PID1: variants seen among roughly 807,000 people sequenced by gnomAD.
PID1 encodes the protein PTB-containing, cubilin and LRP1-interacting protein.
A neutral mutation model predicts 19.1 loss-of-function variants in PID1; 10 were observed. The observed-to-expected ratio is 0.52, with a 90% CI of 0.32 to 0.89. The LOEUF (loss-of-function observed/expected upper bound fraction) is 0.89, where lower values mean the gene tolerates loss of function less well. PID1 is among the 40% of genes least tolerant of loss of function. PID1 has a pLI of 0.03. For synonymous variants in PID1, 130 were observed against 116.0 expected, an observed-to-expected ratio of 1.12 and a Z score of -0.78; for missense variants, 248 against 285.3, an observed-to-expected ratio of 0.87 and a Z score of 0.94.
At chr2:229,060,428 T>C (rs959966328) in intron 2 of PID1, among the ~76,000 whole-genome samples, 6 of 152,184 alleles carry the variant, frequency 3.9e-5, no homozygotes, top group Non-Finnish European at 8.8e-5. Context: ...GATTCACCCA[T>C]GTTGCTGCAA....
chr2:229,138,970 GA>G (rs1203207510), intron 2 of PID1, among the ~76,000 whole-genome samples: 1 of 118,058 alleles, frequency 8.5e-6, no homozygotes, highest in Non-Finnish European at 1.8e-5. Flanking sequence ...GAAATAAATA[GA>G]AAAAAATAGA....
At chr2:229,139,039 G>GAAAGAGAAAGAAAGAAAGAAAGAAAGAA (rs879704273) in intron 2 of PID1, among the ~76,000 whole-genome samples, 1 of 48,362 alleles carries the variant, frequency 2.1e-5, no homozygotes, top group African/African-American at 7.4e-5. Flanking sequence ...AAGAAAGAAA[G>GAAAGAGAAAGAAAGAAAGAAAGAAAGAA]AGAAAGAAAG....
At chr2:229,034,882 T>C (rs552548410) in intron 2 of PID1, among the ~76,000 whole-genome samples, 79 of 152,220 alleles carry the variant, frequency 5.2e-4, no homozygotes, top group African/African-American at 1.9e-3. Context: ...AGTGATCACA[T>C]TGGAACCCAG....
At chr2:229,256,631 C>T (rs981155733) in intron 1 of PID1, among the ~76,000 whole-genome samples, 12 of 152,058 alleles carry the variant, frequency 7.9e-5, no homozygotes, top group African/African-American at 2.7e-4. Flanking sequence ...TGTGGCAAGA[C>T]TTATGAGCAA....
At chr2:229,203,170 G>A (rs1027848855) in intron 1 of PID1, among the ~76,000 whole-genome samples, 1 of 152,096 alleles carries the variant, frequency 6.6e-6, no homozygotes, top group African/African-American at 2.4e-5. Flanking sequence ...TTGAGAGCCA[G>A]TGTCCTTGAA....
At position 229,128,894 on chromosome 2, in the gene PID1, T is replaced by C. The variant is rs141150225; in HGVS notation, c.177+26924A>G. 3.2e-4 allele frequency among the ~76,000 whole-genome samples: 48 copies of C among 152,264 alleles called. No homozygotes were observed. In the East Asian group the frequency reaches 6.0e-3, roughly 19 times the overall value. On this transcript the variant is annotated intron_variant, in intron 2 of 2. Coordinates refer to ENST00000392055, the MANE Select transcript of PID1 (RefSeq NM_001100818.2). ...GTACATTTTAAAATACAGAGTGCAA[T>C]TGGATTGTTTGCAACTCAAAGGATA... is the stretch of plus-strand genomic sequence containing the variant.
At chr2:229,161,044 A>T (rs1690483218) in intron 1 of PID1, among the ~76,000 whole-genome samples, 1 of 152,158 alleles carries the variant, frequency 6.6e-6, no homozygotes, top group African/African-American at 2.4e-5. Context: ...AACACTGAAT[A>T]ATGTCATTGC....
intron 1 of PID1, among the ~76,000 whole-genome samples, chr2:229,169,937 C>G (rs1225231569): frequency 6.6e-6 from 1 of 152,144 alleles, no homozygotes; most frequent in African/African-American, 2.4e-5. Flanking sequence ...TCCAGAGCCA[C>G]ACGCTTCAAA....
chr2:229,165,335 C>G (rs1690576053), intron 1 of PID1, among the ~76,000 whole-genome samples: 1 of 152,158 alleles, frequency 6.6e-6, no homozygotes, highest in Non-Finnish European at 1.5e-5. Context: ...CATGGTGGCT[C>G]ATGCCTGTAA....
intron 1 of PID1, among the ~76,000 whole-genome samples, chr2:229,169,533 C>A (rs1344566211): frequency 6.6e-6 from 1 of 152,134 alleles, no homozygotes; most frequent in Non-Finnish European, 1.5e-5. Context: ...AAAATTAATA[C>A]ATTGAGGAAT....
intron 2 of PID1, among the ~76,000 whole-genome samples, chr2:229,028,259 T>G (rs1167996586): frequency 6.6e-6 from 1 of 152,232 alleles, no homozygotes; most frequent in African/African-American, 2.4e-5. Context: ...TGAAATTTAT[T>G]TATGATTATG....
chr2:229,238,266 G>C (rs2106273903), intron 1 of PID1, among the ~76,000 whole-genome samples: 1 of 152,232 alleles, frequency 6.6e-6, no homozygotes, highest in Admixed American at 6.5e-5. Context: ...ATAACTCAGT[G>C]GGATAAAGAC....
chr2:229,082,107 A>G (rs1447822069), intron 2 of PID1, among the ~76,000 whole-genome samples: 1 of 152,196 alleles, frequency 6.6e-6, no homozygotes, highest in African/African-American at 2.4e-5. Context: ...CAGAGTCAAG[A>G]TCAGGTGTTC....
chr2:229,180,075 G>A (rs184141648), intron 1 of PID1, among the ~76,000 whole-genome samples: 12 of 150,926 alleles, frequency 8.0e-5, no homozygotes, highest in East Asian at 1.9e-4. Context: ...CATGCACTTC[G>A]TATACAGGTC....
chr2:229,169,665 G>A (rs1479627333), intron 1 of PID1, among the ~76,000 whole-genome samples: 4 of 152,200 alleles, frequency 2.6e-5, no homozygotes, highest in East Asian at 3.9e-4. Flanking sequence ...AGATAATTAC[G>A]TTTTCATGAA....
intron 2 of PID1, among the ~76,000 whole-genome samples, chr2:229,072,819 A>G (rs1694484168): frequency 6.6e-6 from 1 of 152,212 alleles, no homozygotes; most frequent in Non-Finnish European, 1.5e-5. Context: ...ATCAGTGGGA[A>G]AGATCATAAC....
At chr2:229,045,547 C>A (rs1221663650) in intron 2 of PID1, among the ~76,000 whole-genome samples, 4 of 152,178 alleles carry the variant, frequency 2.6e-5, no homozygotes, top group Non-Finnish European at 5.9e-5. Context: ...TTTCAGGGCT[C>A]TGCTATCACA....
rs552113849 is a variant in PID1 at position 229,262,798 on chromosome 2, C to T, written c.30+8216G>A. 1.5e-5 allele frequency: 24 copies of T among 1,551,342 alleles called. No homozygotes were observed. In the Admixed American group the frequency reaches 2.2e-4, roughly 14 times the overall value. ...TAACATCAGGTGGTTGCCAGCAATCCTTGGCATTCCTTGGCTTATGATGCC... is the reference window on the plus strand; with the variant it reads ...TAACATCAGGTGGTTGCCAGCAATCTTTGGCATTCCTTGGCTTATGATGCC... On this transcript the variant is annotated intron_variant, in intron 1 of 2. Coordinates refer to ENST00000392055, the MANE Select transcript of PID1 (RefSeq NM_001100818.2).
intron 1 of PID1, among the ~76,000 whole-genome samples, chr2:229,224,668 C>T (rs957609345): frequency 6.6e-6 from 1 of 151,994 alleles, no homozygotes; most frequent in African/African-American, 2.4e-5. Context: ...AAATAGCGAT[C>T]CATAAGGTAA....
Sources: gnomAD v4.1 joint callset for allele counts (sites outside exome capture counted in the v4.1 genomes callset) on GRCh38, gnomAD v4.1.1 for gene constraint, MANE v1.5 for transcripts, NCBI Gene and HGNC (gene_info 2026-07-23, HGNC 2026-07-21) for gene names.